Variants in NELL1 observed in about 807,000 individuals in gnomAD.
NELL1 encodes the protein protein kinase C-binding protein NELL1.
In NELL1, 76 loss-of-function variants were observed where a neutral mutation model predicts 107.4. The ratio of observed to expected loss-of-function variants is 0.71; its 90% confidence interval spans 0.59 to 0.86. The LOEUF (loss-of-function observed/expected upper bound fraction) is 0.86, where lower values mean the gene tolerates loss of function less well. Among genes scored for constraint, NELL1 ranks in the 40% least tolerant of loss-of-function variants. The pLI is 0.00. For synonymous variants in NELL1, 353 were observed against 341.2 expected (o/e 1.03, Z -0.38); for missense variants, 1,024 against 1,005.5 (o/e 1.02, Z -0.25).
intron 19 of NELL1, 104 bp downstream of exon 19, chr11:21,573,513 G>A: frequency 2.1e-6 from 2 of 940,636 alleles, no homozygotes; most frequent in Non-Finnish European, 1.7e-6. Flanking sequence ...CAATGGACAT[G>A]GTGGAAACTC....
At chr11:21,012,120 C>G (rs1391609021) in intron 12 of NELL1, among the ~76,000 whole-genome samples, 2 of 152,114 alleles carry the variant, frequency 1.3e-5, no homozygotes, top group Non-Finnish European at 2.9e-5. Context: ...AGGCCACCCC[C>G]AAGTTGAGCC....
intron 15 of NELL1, among the ~76,000 whole-genome samples, chr11:21,452,471 GACAT>G (rs2133859951): frequency 6.6e-6 from 1 of 151,924 alleles, no homozygotes; most frequent in East Asian, 1.9e-4. Context: ...TTAATTTATT[GACAT>G]ACAGTTTTTT....
chr11:21,526,255 A>C (rs1220675243), intron 15 of NELL1, among the ~76,000 whole-genome samples: 2 of 152,162 alleles, frequency 1.3e-5, no homozygotes, highest in Admixed American at 1.3e-4. Context: ...ATCTCCTTTG[A>C]CTCCATGTCT....
chr11:20,911,438 A>T (rs1850129555), intron 5 of NELL1, among the ~76,000 whole-genome samples: 1 of 152,200 alleles, frequency 6.6e-6, no homozygotes, highest in African/African-American at 2.4e-5. Context: ...CCCAGAAGTG[A>T]TGGAAATGGG....
intron 14 of NELL1, among the ~76,000 whole-genome samples, chr11:21,339,934 G>A (rs1850523229): frequency 2.0e-5 from 3 of 152,096 alleles, no homozygotes; most frequent in Admixed American, 1.3e-4. Context: ...AATGCTCCGT[G>A]AGGCAAACTT....
intron 13 of NELL1, among the ~76,000 whole-genome samples, chr11:21,190,863 G>T (rs552377761): frequency 6.6e-6 from 1 of 151,938 alleles, no homozygotes; most frequent in South Asian, 2.1e-4. Flanking sequence ...TGTTGCCTCA[G>T]TTTATTCAGC....
At chr11:21,482,758 A>G (rs1033595889) in intron 15 of NELL1, among the ~76,000 whole-genome samples, 2 of 151,634 alleles carry the variant, frequency 1.3e-5, no homozygotes, top group Non-Finnish European at 2.9e-5. Flanking sequence ...CTTAAAAAAA[A>G]AAAAAAGAAA....
At chr11:20,846,694 T>C (rs2134056219) in intron 3 of NELL1, among the ~76,000 whole-genome samples, 1 of 151,902 alleles carries the variant, frequency 6.6e-6, no homozygotes, top group South Asian at 2.1e-4. Flanking sequence ...TTAAAAAAGA[T>C]AATACCAGTC....
chr11:20,692,687 A>G (rs1227992871), intron 2 of NELL1, among the ~76,000 whole-genome samples: 1 of 151,958 alleles, frequency 6.6e-6, no homozygotes, highest in Admixed American at 6.6e-5. Flanking sequence ...ACATTTGCTG[A>G]GGAGTGCTTT....
intron 3 of NELL1, among the ~76,000 whole-genome samples, chr11:20,812,000 A>C (rs536014865): frequency 4.3e-4 from 65 of 152,288 alleles, no homozygotes; most frequent in African/African-American, 1.4e-3. Context: ...TAGATTGTCC[A>C]GATTATCTTG....
At chr11:20,790,418 A>C (rs1047846971) in intron 3 of NELL1, among the ~76,000 whole-genome samples, 1 of 152,184 alleles carries the variant, frequency 6.6e-6, no homozygotes, top group Admixed American at 6.5e-5. Flanking sequence ...CTTTGCTCAA[A>C]GATTGGTGCA....
At chr11:20,866,949 A>G (rs1309863561) in intron 4 of NELL1, among the ~76,000 whole-genome samples, 1 of 152,358 alleles carries the variant, frequency 6.6e-6, no homozygotes, top group Middle Eastern at 3.4e-3. Flanking sequence ...TATTTGTTGA[A>G]TGAATAAATG....
At chr11:20,716,975 G>A (rs1855266772) in intron 2 of NELL1, among the ~76,000 whole-genome samples, 1 of 152,156 alleles carries the variant, frequency 6.6e-6, no homozygotes, top group African/African-American at 2.4e-5. Context: ...AACACATTTA[G>A]ATCTAGTTCA....
chr11:21,405,413 T>C (rs1318808631), intron 15 of NELL1, among the ~76,000 whole-genome samples: 2 of 151,998 alleles, frequency 1.3e-5, no homozygotes, highest in Admixed American at 1.3e-4. Context: ...CTGTTGTGTT[T>C]ATTATTTCAG....
At chr11:21,050,459 T>C (rs556936125) in intron 12 of NELL1, among the ~76,000 whole-genome samples, 94 of 152,200 alleles carry the variant, frequency 6.2e-4, no homozygotes, top group Non-Finnish European at 1.1e-3. Flanking sequence ...AGGTGTCATA[T>C]GAATGTTAGA....
chr11:21,555,109 T>G lies in NELL1; in HGVS notation c.1787-5080T>G, dbSNP rs144232718. Among the ~76,000 whole-genome samples the G allele has an allele frequency of 7.5e-4, 114 of 152,014 alleles. 1 individual carries two copies. Among genetic ancestry groups the G allele is most frequent in the African/African-American group, 2.6e-3 (108 of 41,514 alleles). Reference sequence around the variant, plus strand: ...CTTTGCCCATTGTATCTCCAGCACTTAGCAGTGTATCTGGCATAGAGTAGA... The same window carrying G: ...CTTTGCCCATTGTATCTCCAGCACTGAGCAGTGTATCTGGCATAGAGTAGA... On this transcript the variant is annotated intron_variant, in intron 16 of 19. Coordinates refer to ENST00000357134, the MANE Select transcript of NELL1 (RefSeq NM_006157.5).
At chr11:21,495,549 G>A (rs1564924080) in intron 15 of NELL1, among the ~76,000 whole-genome samples, 1 of 152,020 alleles carries the variant, frequency 6.6e-6, no homozygotes, top group South Asian at 2.1e-4. Flanking sequence ...GGATCATACC[G>A]TAATTCTATT....
intron 12 of NELL1, among the ~76,000 whole-genome samples, chr11:20,982,872 A>T (rs1021081889): frequency 1.3e-5 from 2 of 152,208 alleles, no homozygotes; most frequent in Non-Finnish European, 2.9e-5. Flanking sequence ...AATGATTTCT[A>T]TGGTTAATGA....
chr11:20,875,067 C>T (rs1414983846), intron 4 of NELL1, among the ~76,000 whole-genome samples: 2 of 152,270 alleles, frequency 1.3e-5, no homozygotes, highest in Admixed American at 6.5e-5. Flanking sequence ...CAGATTGACT[C>T]AGAATAAAAT....
Sources: allele counts gnomAD v4.1 joint callset (sites outside exome capture counted in the v4.1 genomes callset), GRCh38; gene constraint gnomAD v4.1.1; transcripts MANE v1.5; gene names NCBI Gene and HGNC (gene_info 2026-07-23, HGNC 2026-07-21).